HECW1: variants seen among roughly 807,000 people sequenced by gnomAD.
The protein encoded by HECW1 is HECT, C2 and WW domain containing E3 ubiquitin protein ligase 1.
HECW1 carries 61 observed loss-of-function variants against 182.3 expected under a neutral mutation model. The ratio of observed to expected loss-of-function variants is 0.33; its 90% CI spans 0.27 to 0.41. The LOEUF (loss-of-function observed/expected upper bound fraction) is 0.41. HECW1 is among the 10% of genes least tolerant of loss of function. The pLI is 1.00. For missense variants in HECW1, 1,739 were observed against 2,108.9 expected, an observed-to-expected ratio of 0.82 and a Z score of 3.44; for synonymous variants, 859 against 832.6, an observed-to-expected ratio of 1.03 and a Z score of -0.55.
intron 5 of HECW1, among the ~76,000 whole-genome samples, chr7:43,337,645 C>T (rs1812466851): frequency 6.6e-6 from 1 of 152,216 alleles, no homozygotes; most frequent in Non-Finnish European, 1.5e-5. Flanking sequence ...CTGACACTAA[C>T]CTGCTTCATC....
chr7:43,201,991 C>A (rs905762084), intron 2 of HECW1, among the ~76,000 whole-genome samples: 1 of 152,146 alleles, frequency 6.6e-6, no homozygotes, highest in Admixed American at 6.5e-5. Flanking sequence ...AATAAGGAGA[C>A]TTCTGTGTAA....
chr7:43,335,362 C>T (rs745733393), intron 5 of HECW1, among the ~76,000 whole-genome samples: 4 of 152,126 alleles, frequency 2.6e-5, no homozygotes, highest in Non-Finnish European at 5.9e-5. Context: ...GGTGACCTTA[C>T]AACCTCGCTG....
At chr7:43,201,712 C>T (rs17723081) in intron 2 of HECW1, among the ~76,000 whole-genome samples, 12,826 of 152,224 alleles carry the variant, frequency 0.084, 771 homozygotes, top group East Asian at 0.27. Context: ...GAATCTTGGT[C>T]AGAGAATTTG....
chr7:43,379,285 C>T (rs1159868894), intron 6 of HECW1, among the ~76,000 whole-genome samples: 5 of 152,186 alleles, frequency 3.3e-5, no homozygotes, highest in Admixed American at 6.5e-5. Context: ...CCTAGAGTGC[C>T]CTTCCCTCTC....
At chr7:43,257,666 G>A (rs1409218092) in intron 3 of HECW1, among the ~76,000 whole-genome samples, 1 of 152,158 alleles carries the variant, frequency 6.6e-6, no homozygotes, top group South Asian at 2.1e-4. Flanking sequence ...ACTAGTAAAA[G>A]CAGTGTGTTG....
intron 2 of HECW1, among the ~76,000 whole-genome samples, chr7:43,130,084 A>G (rs978523175): frequency 3.3e-5 from 5 of 152,010 alleles, no homozygotes; most frequent in African/African-American, 4.8e-5. Flanking sequence ...CATAAATACA[A>G]TTTTTTTTAA....
intron 19 of HECW1, among the ~76,000 whole-genome samples, chr7:43,497,436 A>C (rs184422885): frequency 6.6e-6 from 1 of 152,300 alleles, no homozygotes; most frequent in East Asian, 1.9e-4. Context: ...GCTGGAAAGA[A>C]ATATGATTGC....
chr7:43,363,805 G>A (rs1816273546), intron 6 of HECW1, among the ~76,000 whole-genome samples: 1 of 152,228 alleles, frequency 6.6e-6, no homozygotes, highest in South Asian at 2.1e-4. Flanking sequence ...CATCTGTGGA[G>A]AGAGGCAGGA....
At chr7:43,493,214 G>A in intron 19 of HECW1, 34 bp downstream of exon 19, 1 of 1,431,782 alleles carries the variant, frequency 7.0e-7, no homozygotes, top group African/African-American at 1.4e-5. Flanking sequence ...GGAACTCTAG[G>A]TCTTTCCAGC....
chr7:43,200,330 A>G (rs143398424), intron 2 of HECW1, among the ~76,000 whole-genome samples: 3 of 152,362 alleles, frequency 2.0e-5, no homozygotes, highest in East Asian at 3.9e-4. Context: ...ATGATGCAGT[A>G]TTTTTAAATC....
chr7:43,466,661 A>G, intron 15 of HECW1, 93 bp downstream of exon 15: 1 of 1,372,744 alleles, frequency 7.3e-7, no homozygotes. Flanking sequence ...AAAGGGTAGA[A>G]TTTTAACATA....
chr7:43,251,287 G>C (rs1484789798), intron 3 of HECW1, among the ~76,000 whole-genome samples: 1 of 152,252 alleles, frequency 6.6e-6, no homozygotes, highest in South Asian at 2.1e-4. Flanking sequence ...GAATGTGGAT[G>C]CACAAAATCT....
chr7:43,215,065 T>C (rs978221851), intron 2 of HECW1, among the ~76,000 whole-genome samples: 4 of 152,248 alleles, frequency 2.6e-5, no homozygotes, highest in Non-Finnish European at 4.4e-5. Flanking sequence ...TTTGCTTTGT[T>C]CTTTTTATCC....
At chr7:43,529,718 C>A (rs2080904354) in intron 24 of HECW1, among the ~76,000 whole-genome samples, 1 of 152,164 alleles carries the variant, frequency 6.6e-6, no homozygotes, top group South Asian at 2.1e-4. Flanking sequence ...CCTGCCCACT[C>A]AGGCTCTAGG....
At chr7:43,190,972 G>GT (rs1793863984) in intron 2 of HECW1, among the ~76,000 whole-genome samples, 1 of 152,136 alleles carries the variant, frequency 6.6e-6, no homozygotes. Context: ...TCCATAAGCT[G>GT]TGTAGGGAAG....
intron 15 of HECW1, among the ~76,000 whole-genome samples, chr7:43,467,984 G>A (rs949932151): frequency 1.3e-5 from 2 of 151,930 alleles, no homozygotes; most frequent in African/African-American, 2.4e-5. Flanking sequence ...CAGGGAGAAC[G>A]CGCATGGCAC....
At chr7:43,394,441 T>C (rs11984170) in intron 6 of HECW1, among the ~76,000 whole-genome samples, 4,391 of 152,210 alleles carry the variant, frequency 0.029, 224 homozygotes, top group African/African-American at 0.1. Context: ...ACTGAGACAA[T>C]GAGTATTGCC....
chr7:43,543,043 A>T (rs1042499854), intron 26 of HECW1, among the ~76,000 whole-genome samples: 1 of 152,250 alleles, frequency 6.6e-6, no homozygotes, highest in African/African-American at 2.4e-5. Context: ...AAATAATAAG[A>T]TAAAGTTTCC....
At chr7:43,512,297 C>G (rs13232385) in intron 24 of HECW1, among the ~76,000 whole-genome samples, 2,748 of 152,300 alleles carry the variant, frequency 0.018, 47 homozygotes, top group Middle Eastern at 0.099. Flanking sequence ...ACAGAGGTGC[C>G]TTAATGGACA....
Sources: gnomAD v4.1 joint callset for allele counts (sites outside exome capture counted in the v4.1 genomes callset) on GRCh38, gnomAD v4.1.1 for gene constraint, MANE v1.5 for transcripts, NCBI Gene and HGNC (gene_info 2026-07-23, HGNC 2026-07-21) for gene names.